The following GABBR2 variants were observed in gnomAD, a reference collection of about 807,000 sequenced individuals.
The protein encoded by GABBR2 is G-protein coupled receptor 51.
In GABBR2, 23 loss-of-function variants were observed where a neutral mutation model predicts 105.6. That is an observed-to-expected ratio of 0.22 (90% CI 0.16 to 0.31). The LOEUF (loss-of-function observed/expected upper bound fraction) is 0.31. Ranked by LOEUF, GABBR2 falls within the 10% of genes least tolerant of loss-of-function variation. The pLI is 1.00. For synonymous variants in GABBR2, 478 were observed against 499.7 expected (o/e 0.96, Z 0.58); for missense variants, 734 against 1,245.5 (o/e 0.59, Z 6.18).
At chr9:98,543,579 G>A (rs1219816504) in intron 2 of GABBR2, among the ~76,000 whole-genome samples, 1 of 152,024 alleles carries the variant, frequency 6.6e-6, no homozygotes, top group East Asian at 1.9e-4. Flanking sequence ...TGCCTAGTCT[G>A]GTTTTGAACC....
intron 1 of GABBR2, among the ~76,000 whole-genome samples, chr9:98,625,361 T>C (rs1829722376): frequency 6.6e-6 from 1 of 152,258 alleles, no homozygotes; most frequent in South Asian, 2.1e-4. Context: ...ATTGCCCTTC[T>C]GTGGAAACTG....
chr9:98,669,955 A>G (rs892878233), intron 1 of GABBR2, among the ~76,000 whole-genome samples: 1 of 149,670 alleles, frequency 6.7e-6, no homozygotes, highest in Non-Finnish European at 1.5e-5. Context: ...AACCAGGAGA[A>G]CGAAGCAAGC....
intron 13 of GABBR2, among the ~76,000 whole-genome samples, chr9:98,351,927 C>T (rs1180826569): frequency 2.0e-5 from 3 of 152,196 alleles, no homozygotes; most frequent in Admixed American, 1.3e-4. Flanking sequence ...GATATCTGTG[C>T]ATCTGGTATA....
intron 1 of GABBR2, among the ~76,000 whole-genome samples, chr9:98,703,411 G>A (rs931792441): frequency 6.6e-6 from 1 of 152,200 alleles, no homozygotes; most frequent in Non-Finnish European, 1.5e-5. Context: ...CAGGCAGCAT[G>A]CTGGGCAGTG....
At chr9:98,403,162 C>T (rs1017137688) in intron 8 of GABBR2, among the ~76,000 whole-genome samples, 3 of 151,942 alleles carry the variant, frequency 2.0e-5, no homozygotes, top group Admixed American at 2.0e-4. Context: ...GGCATGGTGG[C>T]ACGAGCCTGT....
chr9:98,536,355 G>T (rs1828181432), intron 3 of GABBR2, among the ~76,000 whole-genome samples: 2 of 152,182 alleles, frequency 1.3e-5, no homozygotes, highest in Non-Finnish European at 2.9e-5. Flanking sequence ...CCCAGAGACA[G>T]CAAGTGATTG....
intron 11 of GABBR2, among the ~76,000 whole-genome samples, chr9:98,380,522 CT>C (rs1350365006): frequency 5.9e-5 from 9 of 152,084 alleles, no homozygotes; most frequent in Admixed American, 5.9e-4. Flanking sequence ...TCCCTTCCCC[CT>C]GGCACTGGGG....
chr9:98,470,356 A>G (rs1460914281), intron 6 of GABBR2, among the ~76,000 whole-genome samples: 1 of 152,234 alleles, frequency 6.6e-6, no homozygotes, highest in Admixed American at 6.5e-5. Context: ...TCATGGCAGA[A>G]GGTGAAAGGC....
intron 1 of GABBR2, among the ~76,000 whole-genome samples, chr9:98,688,466 G>A (rs1379972417): frequency 2.6e-5 from 4 of 151,316 alleles, no homozygotes; most frequent in Non-Finnish European, 4.4e-5. Context: ...ATTACTTGCA[G>A]ATGAATATCT....
chr9:98,319,760 A>G (rs1830786925), intron 13 of GABBR2, among the ~76,000 whole-genome samples: 1 of 152,172 alleles, frequency 6.6e-6, no homozygotes, highest in Non-Finnish European at 1.5e-5. Flanking sequence ...AGGCGCAGAA[A>G]AGAACCTGGA....
rs546167489 is a variant in GABBR2 at position 98,403,293 on chromosome 9, C to CAAA, written c.1297+2785_1297+2787dup. On this transcript the variant is annotated intron_variant, in intron 8 of 18. Transcript: ENST00000259455. The stretch of plus-strand genomic sequence containing the variant: ...TGGGTGACACAGTGAGACTCCGTCT[C>CAAA]AAAAAAAAAAAAAAAAAAAAAAATC... 3.4e-3 allele frequency among the ~76,000 whole-genome samples: 286 copies of CAAA among 85,260 alleles called. 4 individuals carry two copies. The highest frequency in any genetic ancestry group is 7.2e-3 in the African/African-American group (161 of 22,226). The allele number at this position is 85,260 out of a possible 152,430, so 55.9% of individuals were successfully genotyped here.
At chr9:98,661,765 C>T (rs1174941062) in intron 1 of GABBR2, among the ~76,000 whole-genome samples, 7 of 152,188 alleles carry the variant, frequency 4.6e-5, no homozygotes, top group African/African-American at 1.7e-4. Context: ...GACCACAGCA[C>T]TCATTTTCCC....
At chr9:98,704,110 T>A (rs1354299120) in intron 1 of GABBR2, among the ~76,000 whole-genome samples, 3 of 152,212 alleles carry the variant, frequency 2.0e-5, no homozygotes, top group African/African-American at 7.2e-5. Flanking sequence ...GGGGCTATGT[T>A]TTACACCTTT....
chr9:98,300,016 C>T (rs566663882), intron 16 of GABBR2, among the ~76,000 whole-genome samples: 4 of 151,590 alleles, frequency 2.6e-5, no homozygotes, highest in Non-Finnish European at 4.4e-5. Flanking sequence ...GTGCATGCTA[C>T]CATGTCTGGC....
intron 1 of GABBR2, among the ~76,000 whole-genome samples, chr9:98,671,499 C>T (rs1009736662): frequency 1.3e-5 from 2 of 152,184 alleles, no homozygotes; most frequent in African/African-American, 2.4e-5. Flanking sequence ...GCTTTCATTT[C>T]TCTTGGATAC....
intron 3 of GABBR2, among the ~76,000 whole-genome samples, chr9:98,508,657 C>T (rs1588202453): frequency 6.6e-6 from 1 of 152,072 alleles, no homozygotes; most frequent in East Asian, 1.9e-4. Flanking sequence ...CATGAAGTCT[C>T]GCTCATTGCT....
intron 1 of GABBR2, among the ~76,000 whole-genome samples, chr9:98,591,802 C>T (rs1224853594): frequency 2.0e-5 from 3 of 152,160 alleles, no homozygotes; most frequent in African/African-American, 7.2e-5. Context: ...CCAGCTATGT[C>T]AGGCATAGGA....
chr9:98,689,958 AC>A (rs1332554300), intron 1 of GABBR2, among the ~76,000 whole-genome samples: 1 of 152,208 alleles, frequency 6.6e-6, no homozygotes, highest in Non-Finnish European at 1.5e-5. Flanking sequence ...TGACTTAAAA[AC>A]AAAAATAGAT....
rs576875779 is a variant in GABBR2, at chr9:98,550,003, G to A, written c.460-7960C>T. ...CACAAAGAATTAAGCACTATGAGTG[G>A]TTGCCTTGAAGCCAGCATATGGGCA... On this transcript the variant is annotated intron_variant, in intron 2 of 18. Coordinates refer to ENST00000259455, the MANE Select transcript of GABBR2 (RefSeq NM_005458.8). 2.0e-5 allele frequency among the ~76,000 whole-genome samples: 3 copies of A among 152,304 alleles called. No homozygotes were observed. The East Asian group carries it at 5.8e-4, about 29-fold the overall frequency.
Sources: gnomAD v4.1 joint callset for allele counts (sites outside exome capture counted in the v4.1 genomes callset) on GRCh38, gnomAD v4.1.1 for gene constraint, MANE v1.5 for transcripts, NCBI Gene and HGNC (gene_info 2026-07-23, HGNC 2026-07-21) for gene names.